The following DTL variants were observed in gnomAD, a reference collection of about 807,000 sequenced individuals.
The protein encoded by DTL is denticleless E3 ubiquitin protein ligase adapter, also known as denticleless protein homolog.
In DTL, 46 loss-of-function variants were observed where a neutral mutation model predicts 87.0. The observed-to-expected ratio is 0.53, with a 90% CI of 0.42 to 0.68. The LOEUF (loss-of-function observed/expected upper bound fraction) is 0.68, where lower values mean the gene tolerates loss of function less well. Among genes scored for constraint, DTL ranks in the 30% least tolerant of loss-of-function variants. The pLI, the probability that DTL is intolerant of heterozygous loss-of-function variation, is 0.00. For missense variants in DTL, 737 were observed against 869.4 expected (o/e 0.85, Z 1.91); for synonymous variants, 308 against 311.2 (o/e 0.99, Z 0.11).
At chr1:212,070,875 A>T (rs1654650471) in intron 10 of DTL, among the ~76,000 whole-genome samples, 1 of 152,204 alleles carries the variant, frequency 6.6e-6, no homozygotes, top group Non-Finnish European at 1.5e-5. Flanking sequence ...TTTACAGTGC[A>T]TATCATACCA....
intron 3 of DTL, among the ~76,000 whole-genome samples, chr1:212,046,832 T>G (rs1361687632): frequency 6.6e-6 from 1 of 152,224 alleles, no homozygotes; most frequent in Non-Finnish European, 1.5e-5. Context: ...GGTCAAATGG[T>G]ATTTCTGGTT....
At chr1:212,074,396 A>T (rs1047542220) in intron 11 of DTL, among the ~76,000 whole-genome samples, 1 of 152,164 alleles carries the variant, frequency 6.6e-6, no homozygotes, top group Non-Finnish European at 1.5e-5. Flanking sequence ...AAAGATATAC[A>T]CTAAATATAG....
chr1:212,100,490 G>T lies in DTL; in HGVS notation c.1500G>T (p.Ser500=). The T allele has an allele frequency of 6.2e-7, 1 of 1,613,898 alleles. No individual in the cohort carries two copies. Among genetic ancestry groups the T allele is most frequent in the Non-Finnish European group, 8.5e-7 (1 of 1,179,984 alleles). ...SPKPPSSFKM[S]IRNWVTRTPS... is the part of the protein sequence containing the mutation. The stretch of plus-strand genomic sequence containing the variant: ...AGCCACCTTCATCTTTCAAGATGTC[G>T]ATTAGAAACTGGGTGACCCGAACAC... Residue 500 remains serine, a synonymous_variant, in exon 14 of 15, where the codon TCG becomes TCT. Transcript: ENST00000366991.
rs187890942 is a variant in DTL at position 212,062,324 on chromosome 1, A to G, written c.461-560A>G. 2.6e-5 allele frequency among the ~76,000 whole-genome samples: 4 copies of G among 152,314 alleles called. No individual in the cohort carries two copies. The East Asian group carries it at 7.7e-4, about 29-fold the overall frequency. Reference sequence around the variant, plus strand: ...ATTACAGATAAATTGAAGTTCTCCTATAGTGCCTTTTCCAATCCCATTGCA... The same window carrying G: ...ATTACAGATAAATTGAAGTTCTCCTGTAGTGCCTTTTCCAATCCCATTGCA... On this transcript the variant is annotated intron_variant, in intron 5 of 14. Transcript: ENST00000366991.
intron 1 of DTL, among the ~76,000 whole-genome samples, chr1:212,041,198 A>G (rs79282334): frequency 0.01 from 1,564 of 152,264 alleles, 29 homozygotes; most frequent in African/African-American, 0.035. Context: ...CAGGGATTGC[A>G]TAAGTAGAGG....
intron 3 of DTL, among the ~76,000 whole-genome samples, chr1:212,045,012 TC>T (rs1667767537): frequency 1.3e-5 from 2 of 151,892 alleles, no homozygotes; most frequent in Non-Finnish European, 1.5e-5. Context: ...AATACAGAGG[TC>T]ACATGGCAAG....
At chr1:212,076,400 C>T (rs1475302247) in intron 11 of DTL, among the ~76,000 whole-genome samples, 2 of 152,020 alleles carry the variant, frequency 1.3e-5, no homozygotes, top group Admixed American at 1.3e-4. Flanking sequence ...TTTCTTTTTT[C>T]TCTGAAACCC....
intron 8 of DTL, 108 bp downstream of exon 8, chr1:212,066,993 C>T: frequency 1.1e-6 from 1 of 898,668 alleles, no homozygotes; most frequent in South Asian, 1.6e-5. Flanking sequence ...CAACTGTCAA[C>T]ATAGCAAGTA....
At chr1:212,061,903 A>G (rs1654335664) in intron 5 of DTL, among the ~76,000 whole-genome samples, 6 of 152,198 alleles carry the variant, frequency 3.9e-5, no homozygotes, top group Admixed American at 6.5e-5. Context: ...GGATACAAGC[A>G]TAAAGTTAGA....
rs1571956514 is a variant in DTL at position 212,063,300 on chromosome 1, T to TA, written c.526+351_526+352insA. ...TTTTTTTATTTTATTATTATTATTT[T>TA]TTTTTTTTTTGAGATGGAGTCTCTG... On this transcript the variant is annotated intron_variant, in intron 6 of 14. Coordinates refer to ENST00000366991, the MANE Select transcript of DTL (RefSeq NM_016448.4). Among the ~76,000 whole-genome samples, 3 of 150,222 alleles carry TA rather than the reference T, an allele frequency of 2.0e-5. No homozygotes were observed. The South Asian group carries it at 6.3e-4, about 31-fold the overall frequency.
At chr1:212,096,356 G>A (rs1360677570) in intron 13 of DTL, among the ~76,000 whole-genome samples, 1 of 151,808 alleles carries the variant, frequency 6.6e-6, no homozygotes, top group Non-Finnish European at 1.5e-5. Context: ...TTTTGTTGTT[G>A]TTGTTTCATT....
At chr1:212,069,287 C>T (rs1340561556) in intron 10 of DTL, among the ~76,000 whole-genome samples, 1 of 151,952 alleles carries the variant, frequency 6.6e-6, no homozygotes, top group African/African-American at 2.4e-5. Context: ...CTCTCCCCTC[C>T]CTCTTCCAAA....
chr1:212,041,508 G>A (rs887838916), intron 1 of DTL, among the ~76,000 whole-genome samples: 31 of 121,972 alleles, frequency 2.5e-4, no homozygotes, highest in African/African-American at 8.6e-4. Flanking sequence ...CATTTTTGGC[G>A]GGGGGGTGGG....
chr1:212,067,980 G>C (rs1232755402), intron 8 of DTL, among the ~76,000 whole-genome samples: 1 of 152,104 alleles, frequency 6.6e-6, no homozygotes, highest in Non-Finnish European at 1.5e-5. Context: ...CGTTCTCTTA[G>C]AGTAAACTCC....
At chr1:212,083,114 G>A (rs1464571596) in intron 13 of DTL, among the ~76,000 whole-genome samples, 2 of 152,190 alleles carry the variant, frequency 1.3e-5, no homozygotes, top group Non-Finnish European at 2.9e-5. Flanking sequence ...ACAAAAGAAA[G>A]AGGTTTAATG....
rs956659841 is a variant in DTL, at chr1:212,080,716, C to T, written c.1227C>T (p.Ala409=). 6.8e-6 allele frequency: 11 copies of T among 1,613,464 alleles called. No individual in the cohort carries two copies. The highest frequency in any genetic ancestry group is 9.3e-6 in the Non-Finnish European group (11 of 1,179,590). The change falls in exon 13 of 15, where the codon GCC becomes GCT. Residue 409 remains alanine (A), a synonymous_variant. Coordinates refer to ENST00000366991, the MANE Select transcript of DTL (RefSeq NM_016448.4). ...ATAAACTTTCCACGGTGGGTTGGGC[C>T]TCTCAGAAGAAAAAAGAGTCAAGAC... ...GGDKLSTVGW[A]SQKKKESRPG...
chr1:212,061,826 A>G (rs2102547299), intron 5 of DTL, among the ~76,000 whole-genome samples: 1 of 152,304 alleles, frequency 6.6e-6, no homozygotes, highest in East Asian at 1.9e-4. Flanking sequence ...TAGAGAGTAG[A>G]ATGATAAATA....
chr1:212,077,014 T>C (rs1654851470), intron 11 of DTL, among the ~76,000 whole-genome samples: 1 of 152,190 alleles, frequency 6.6e-6, no homozygotes, highest in African/African-American at 2.4e-5. Context: ...TGAATAACCT[T>C]ATCAGTCAGT....
intron 13 of DTL, among the ~76,000 whole-genome samples, chr1:212,081,060 C>A (rs1654978259): frequency 6.6e-6 from 1 of 151,870 alleles, no homozygotes; most frequent in African/African-American, 2.4e-5. Flanking sequence ...GTAAATAGAG[C>A]TAACATATTA....
Sources: allele counts gnomAD v4.1 joint callset (sites outside exome capture counted in the v4.1 genomes callset), GRCh38; gene constraint gnomAD v4.1.1; transcripts MANE v1.5; gene names NCBI Gene and HGNC (gene_info 2026-07-23, HGNC 2026-07-21).